ATP10B: variants seen among roughly 807,000 people sequenced by gnomAD.
ATP10B encodes phospholipid-transporting ATPase VB.
In ATP10B, 122 loss-of-function variants were observed where a neutral mutation model predicts 141.2. The ratio of observed to expected loss-of-function variants is 0.86; its 90% CI spans 0.75 to 1.00. The LOEUF is 1.00. ATP10B is among the 50% of genes least tolerant of loss of function. The pLI is 0.00. For synonymous variants in ATP10B, 685 were observed against 692.0 expected, an observed-to-expected ratio of 0.99 and a Z score of 0.16; for missense variants, 1,876 against 1,825.3, an observed-to-expected ratio of 1.03 and a Z score of -0.51.
At chr5:160,767,963 G>A (rs139894758) in intron 2 of ATP10B, among the ~76,000 whole-genome samples, 9 of 152,008 alleles carry the variant, frequency 5.9e-5, no homozygotes, top group East Asian at 1.9e-4. Context: ...TTTCTCTCCC[G>A]AACATTTCTG....
intron 3 of ATP10B, among the ~76,000 whole-genome samples, chr5:160,691,033 A>T (rs10060768): frequency 3.3e-5 from 5 of 152,078 alleles, no homozygotes; most frequent in Non-Finnish European, 7.3e-5. Flanking sequence ...GCCATAAAAA[A>T]GGATGAGTTC....
chr5:160,789,877 C>A (rs1208150346), intron 1 of ATP10B, among the ~76,000 whole-genome samples: 1 of 152,192 alleles, frequency 6.6e-6, no homozygotes, highest in Non-Finnish European at 1.5e-5. Context: ...GTTAACCAAT[C>A]AAGCAGTCAT....
intron 1 of ATP10B, among the ~76,000 whole-genome samples, chr5:160,838,556 T>G (rs1775609516): frequency 6.6e-6 from 1 of 152,220 alleles, no homozygotes; most frequent in Non-Finnish European, 1.5e-5. Context: ...ATATATTCTT[T>G]AGTTGAAAGG....
At chr5:160,741,673 T>C (rs1767490596) in intron 2 of ATP10B, among the ~76,000 whole-genome samples, 1 of 152,212 alleles carries the variant, frequency 6.6e-6, no homozygotes, top group South Asian at 2.1e-4. Flanking sequence ...AGCCTCTTAG[T>C]GTCTTTATAA....
chr5:160,708,976 T>C (rs574041520), intron 3 of ATP10B, among the ~76,000 whole-genome samples: 1 of 152,306 alleles, frequency 6.6e-6, no homozygotes, highest in African/African-American at 2.4e-5. Context: ...CCCGTGTAGA[T>C]ATGCGAGCTA....
rs1759766014 is a variant in ATP10B, at chr5:160,640,551, A to T, written c.910T>A (p.Tyr304Asn). Residue 304 changes from tyrosine (Y) to asparagine (N), a missense_variant, in exon 10 of 26, where the codon TAC becomes AAC. Physicochemically the swap from Tyr to Asn is moderately radical, Grantham distance 143 (BLOSUM62 -2). Coordinates refer to ENST00000327245, the MANE Select transcript of ATP10B (RefSeq NM_025153.3). Reference sequence around the variant, plus strand: ...CGCCGCTCAATCTTGCTGCGTTTGTACCGGGGGCCACTGTTGTTCAGCATG... The same window carrying T: ...CGCCGCTCAATCTTGCTGCGTTTGTTCCGGGGGCCACTGTTGTTCAGCATG... ...KAMLNNSGPR[Y>N]KRSKIERRMN... 5.6e-6 allele frequency: 9 copies of T among 1,614,158 alleles called. No individual in the cohort carries two copies. Among genetic ancestry groups the T allele is most frequent in the Non-Finnish European group, 6.8e-6 (8 of 1,179,994 alleles).
chr5:160,672,610 CAGCTGGCTTGA>C (rs1762783086), intron 6 of ATP10B, among the ~76,000 whole-genome samples: 1 of 152,200 alleles, frequency 6.6e-6, no homozygotes, highest in East Asian at 1.9e-4. Flanking sequence ...TAACTGAGCC[CAGCTGGCTTGA>C]AGCTGGGTGC....
At chr5:160,921,396 G>C in the ATP10B span, among the ~76,000 whole-genome samples, 1 of 151,478 alleles carries the variant, frequency 6.6e-6, no homozygotes, top group African/African-American at 2.4e-5. Context: ...ACATTTTTAA[G>C]TGTACAGTTT....
chr5:160,812,313 T>C lies in ATP10B; in HGVS notation c.-575-26510A>G, dbSNP rs141664722. Among the ~76,000 whole-genome samples, 1,071 of 152,246 alleles carry C rather than the reference T, an allele frequency of 7.0e-3. 18 individuals carry two copies. Among genetic ancestry groups the C allele is most frequent in the African/African-American group, 0.024 (1,008 of 41,542 alleles). On this transcript the variant is annotated intron_variant, in intron 1 of 25. Transcript: ENST00000327245. ...GAGGATGGGTAGAAACAAGCCCAGA[T>C]TGTGAAGCTATAATAAATACTTAAC...
the ATP10B span, among the ~76,000 whole-genome samples, chr5:160,860,889 T>TGCTG: frequency 2.0e-5 from 3 of 151,948 alleles, no homozygotes; most frequent in Non-Finnish European, 4.4e-5. Context: ...ACAAGTCAAG[T>TGCTG]GCTGGCCATT....
intron 7 of ATP10B, among the ~76,000 whole-genome samples, chr5:160,664,227 C>T (rs1054225827): frequency 6.6e-6 from 1 of 152,206 alleles, no homozygotes; most frequent in African/African-American, 2.4e-5. Flanking sequence ...TTCTCTGGTT[C>T]TCAAGAGCAG....
In ATP10B at chr5:160,705,679, C is replaced by T. The variant is rs552349512; in HGVS notation, c.-205+11230G>A. On this transcript the variant is annotated intron_variant, in intron 3 of 25. Transcript: ENST00000327245. Reference sequence around the variant, plus strand: ...GGAGTGTTGTGGCTGGTTAGACCTTCTATCCAGCTCTATAAAACTTTCTTC... The same window carrying T: ...GGAGTGTTGTGGCTGGTTAGACCTTTTATCCAGCTCTATAAAACTTTCTTC... Among the ~76,000 whole-genome samples the T allele has an allele frequency of 3.9e-5, 6 of 152,330 alleles. No homozygotes were observed. The South Asian group carries it at 1.2e-3, about 32-fold the overall frequency.
At position 160,589,156 on chromosome 5, in the gene ATP10B, C is replaced by T. The variant is rs149359912; in HGVS notation, c.3750+436G>A. On this transcript the variant is annotated intron_variant, in intron 24 of 25. Transcript: ENST00000327245. ...CCTCCCGAGTAGCTGTGACCACAGG[C>T]GCCTGCTACCACACCCAACTAATTT... is the stretch of plus-strand genomic sequence containing the variant. 4.3e-3 allele frequency among the ~76,000 whole-genome samples: 652 copies of T among 152,138 alleles called. 4 individuals carry two copies. Among genetic ancestry groups the T allele is most frequent in the African/African-American group, 0.014 (585 of 41,502 alleles).
At chr5:160,893,207 TC>T in the ATP10B span, among the ~76,000 whole-genome samples, 2 of 151,770 alleles carry the variant, frequency 1.3e-5, no homozygotes, top group African/African-American at 4.8e-5. Flanking sequence ...AACCATTCAC[TC>T]CCCTGAAAAG....
chr5:160,669,918 T>TAAAAAAAAAAAAAAAAAAAAAA (rs776037475), intron 7 of ATP10B, among the ~76,000 whole-genome samples: 2 of 89,684 alleles, frequency 2.2e-5, no homozygotes, highest in African/African-American at 1.0e-4. Context: ...CCCAGTCTCT[T>TAAAAAAAAAAAAAAAAAAAAAA]AAAAAAAAAA....
At chr5:160,764,359 C>T (rs114755426) in intron 2 of ATP10B, among the ~76,000 whole-genome samples, 2,986 of 152,202 alleles carry the variant, frequency 0.02, 40 homozygotes, top group Non-Finnish European at 0.031. Context: ...AAAGATAATA[C>T]ACTATCATCA....
chr5:160,764,195 C>T (rs1769241238), intron 2 of ATP10B, among the ~76,000 whole-genome samples: 1 of 151,946 alleles, frequency 6.6e-6, no homozygotes, highest in Non-Finnish European at 1.5e-5. Flanking sequence ...GAATTATCCC[C>T]AAATCATTCT....
Position 160,620,707 on chromosome 5 carries a change from C to A in ATP10B, c.2056G>T (p.Asp686Tyr), listed in dbSNP as rs1312228016. 7 of 1,614,054 alleles carry A rather than the reference C, an allele frequency of 4.3e-6. No homozygotes were observed. The highest frequency in any genetic ancestry group is 5.9e-6 in the Non-Finnish European group (7 of 1,180,016). The change falls in exon 15 of 26, where the codon GAC (aspartate) becomes TAC (tyrosine). Residue 686 changes from aspartate to tyrosine, a missense_variant. Asp to Tyr is a radical substitution (Grantham distance 160). Transcript: ENST00000327245. The stretch of plus-strand genomic sequence containing the variant: ...CCAGACTCCAGGATGTCGCCCTGGT[C>A]CCACATGCTGCTCCTGTAGCCACCG... ...DDGGYRSSMWDQGDILESGSG... is the reference protein window; with the variant it reads ...DDGGYRSSMWYQGDILESGSG...
intron 22 of ATP10B, among the ~76,000 whole-genome samples, chr5:160,591,624 T>C (rs571151424): frequency 1.3e-5 from 2 of 152,276 alleles, no homozygotes; most frequent in African/African-American, 4.8e-5. Context: ...GTTTCTGAAG[T>C]TCAACAGCTC....
Sources: gnomAD v4.1 joint callset for allele counts (sites outside exome capture counted in the v4.1 genomes callset) on GRCh38, gnomAD v4.1.1 for gene constraint, MANE v1.5 for transcripts, NCBI Gene and HGNC (gene_info 2026-07-23, HGNC 2026-07-21) for gene names.